CCDC192: variants seen among roughly 807,000 people sequenced by gnomAD.
CCDC192 encodes the protein coiled-coil domain containing 192, also known as coiled-coil domain-containing protein 192.
intron 6 of CCDC192, among the ~76,000 whole-genome samples, chr5:127,911,379 G>A (rs1753341638): frequency 6.6e-6 from 1 of 152,162 alleles, no homozygotes; most frequent in African/African-American, 2.4e-5. Context: ...TAAACCTGCT[G>A]TTGGTATATA....
chr5:127,721,832 G>T (rs888316803), intron 2 of CCDC192, among the ~76,000 whole-genome samples: 1 of 152,144 alleles, frequency 6.6e-6, no homozygotes, highest in African/African-American at 2.4e-5. Flanking sequence ...GCATGGCTGG[G>T]GCAGGAGGAA....
At position 127,745,895 on chromosome 5, in the gene CCDC192, T is replaced by C. The variant is rs1666976924; in HGVS notation, c.115-8373T>C. Among the ~76,000 whole-genome samples the C allele has an allele frequency of 1.3e-5, 2 of 152,252 alleles. 1 individual carries two copies. Among genetic ancestry groups the C allele is most frequent in the African/African-American group, 4.8e-5 (2 of 41,464 alleles). On this transcript the variant is annotated intron_variant, in intron 2 of 6. Coordinates refer to ENST00000514853, the MANE Select transcript of CCDC192 (RefSeq NM_001317938.2). Reference sequence around the variant, plus strand: ...CTTTCTGCCCTTCTGCCATTGCACCTTGCAAAACTGGGACAACAACTGAAC... The same window carrying C: ...CTTTCTGCCCTTCTGCCATTGCACCCTGCAAAACTGGGACAACAACTGAAC...
intron 5 of CCDC192, among the ~76,000 whole-genome samples, chr5:127,867,967 A>G (rs754461812): frequency 3.8e-4 from 58 of 152,082 alleles, no homozygotes; most frequent in Non-Finnish European, 7.5e-4. Context: ...ATGCTCTGTG[A>G]AAACAGGTTT....
At chr5:127,904,244 A>C (rs1295730922) in intron 6 of CCDC192, among the ~76,000 whole-genome samples, 1 of 152,214 alleles carries the variant, frequency 6.6e-6, no homozygotes, top group Non-Finnish European at 1.5e-5. Context: ...TCCAAAAAGA[A>C]GACAGCCTTA....
intron 5 of CCDC192, among the ~76,000 whole-genome samples, chr5:127,807,285 T>G (rs1014737623): frequency 6.6e-6 from 1 of 152,218 alleles, no homozygotes; most frequent in East Asian, 1.9e-4. Context: ...TAGCTGCCTA[T>G]TTATTTTATA....
chr5:127,907,465 T>G (rs974731699), intron 6 of CCDC192, among the ~76,000 whole-genome samples: 1 of 152,150 alleles, frequency 6.6e-6, no homozygotes, highest in Non-Finnish European at 1.5e-5. Context: ...TATAGTAATT[T>G]TAGATATAAA....
chr5:127,849,855 A>T (rs568682581), intron 5 of CCDC192, among the ~76,000 whole-genome samples: 5 of 152,214 alleles, frequency 3.3e-5, no homozygotes, highest in African/African-American at 4.8e-5. Context: ...TCAGGATAGG[A>T]CTCAGAAAAT....
At chr5:127,884,796 C>G (rs1752501195) in intron 6 of CCDC192, among the ~76,000 whole-genome samples, 1 of 152,204 alleles carries the variant, frequency 6.6e-6, no homozygotes, top group Non-Finnish European at 1.5e-5. Context: ...CAACCATCCA[C>G]TGTTTTATCT....
intron 6 of CCDC192, among the ~76,000 whole-genome samples, chr5:127,895,518 C>G (rs752260799): frequency 6.6e-6 from 1 of 152,076 alleles, no homozygotes; most frequent in African/African-American, 2.4e-5. Context: ...ATCTAGAGCA[C>G]AATTTGCAAG....
chr5:127,776,979 A>G (rs1755902034), intron 3 of CCDC192, among the ~76,000 whole-genome samples: 2 of 152,268 alleles, frequency 1.3e-5, no homozygotes, highest in South Asian at 4.1e-4. Context: ...CTGCTAGGAC[A>G]GCACAGAAGG....
intron 1 of CCDC192, among the ~76,000 whole-genome samples, chr5:127,704,689 A>G (rs920051117): frequency 3.3e-5 from 5 of 152,118 alleles, no homozygotes; most frequent in Non-Finnish European, 5.9e-5. Flanking sequence ...GTAAGGCTTT[A>G]TCCATTTATT....
chr5:127,909,635 A>G (rs1753291416), intron 6 of CCDC192, among the ~76,000 whole-genome samples: 1 of 152,136 alleles, frequency 6.6e-6, no homozygotes, highest in Admixed American at 6.6e-5. Flanking sequence ...TAATGGAAAA[A>G]AAAAACTAGA....
At chr5:127,911,629 C>A (rs1321846391) in intron 6 of CCDC192, among the ~76,000 whole-genome samples, 2 of 150,414 alleles carry the variant, frequency 1.3e-5, no homozygotes, top group Non-Finnish European at 3.0e-5. Context: ...ACTTACTAAA[C>A]AATGTACAGT....
chr5:127,807,098 A>T (rs1757829751), intron 5 of CCDC192, among the ~76,000 whole-genome samples: 1 of 152,194 alleles, frequency 6.6e-6, no homozygotes, highest in Non-Finnish European at 1.5e-5. Context: ...TTTGGAGGTT[A>T]CGTAAAGTTG....
chr5:127,792,338 GA>G (rs1756911181), intron 3 of CCDC192, among the ~76,000 whole-genome samples: 1 of 152,192 alleles, frequency 6.6e-6, no homozygotes, highest in East Asian at 1.9e-4. Flanking sequence ...CAAAAGGGGA[GA>G]AAGTCCCTTA....
chr5:127,711,133 C>T (rs1399381276), intron 2 of CCDC192, among the ~76,000 whole-genome samples: 2 of 152,110 alleles, frequency 1.3e-5, no homozygotes, highest in African/African-American at 4.8e-5. Context: ...AATCTAGACA[C>T]ATAGAAATAA....
chr5:127,844,863 A>G (rs374756340), intron 5 of CCDC192, among the ~76,000 whole-genome samples: 426 of 152,342 alleles, frequency 2.8e-3, no homozygotes, highest in African/African-American at 9.6e-3. Context: ...CTGGGAAGAC[A>G]GGAGGAGGAA....
chr5:127,933,340 A>C (rs1754098920), intron 6 of CCDC192, among the ~76,000 whole-genome samples: 1 of 152,188 alleles, frequency 6.6e-6, no homozygotes, highest in African/African-American at 2.4e-5. Context: ...TAGCAGAAGC[A>C]GGGTGACCAG....
chr5:127,745,020 T>G (rs1220189296), intron 2 of CCDC192, among the ~76,000 whole-genome samples: 1 of 152,196 alleles, frequency 6.6e-6, no homozygotes, highest in African/African-American at 2.4e-5. Context: ...GAAGTCACTG[T>G]TATAGCCTCT....
Sources: gnomAD v4.1 joint callset for allele counts (sites outside exome capture counted in the v4.1 genomes callset) on GRCh38, gnomAD v4.1.1 for gene constraint, MANE v1.5 for transcripts, NCBI Gene and HGNC (gene_info 2026-07-23, HGNC 2026-07-21) for gene names.